KIF6: variants seen among roughly 807,000 people sequenced by gnomAD.
KIF6 encodes the protein kinesin-like protein KIF6.
A neutral mutation model predicts 112.7 loss-of-function variants in KIF6; 106 were observed. The ratio of observed to expected loss-of-function variants is 0.94; its 90% CI spans 0.80 to 1.11. KIF6 has a LOEUF of 1.11. Ranked by LOEUF, KIF6 falls within the 50% of genes least tolerant of loss-of-function variation. KIF6 has a pLI of 0.00. For missense variants in KIF6, 929 were observed against 964.0 expected, an observed-to-expected ratio of 0.96 and a Z score of 0.48; for synonymous variants, 339 against 339.9, an observed-to-expected ratio of 1.00 and a Z score of 0.03.
At chr6:39,423,174 A>C (rs1451519852) in intron 14 of KIF6, among the ~76,000 whole-genome samples, 1 of 152,178 alleles carries the variant, frequency 6.6e-6, no homozygotes, top group Non-Finnish European at 1.5e-5. Flanking sequence ...AATCCTGTGC[A>C]GGGGCAGGGG....
rs538875600 is a variant in KIF6 at position 39,567,259 on chromosome 6, G to A, written c.1181+10797C>T. On this transcript the variant is annotated intron_variant, in intron 10 of 22. Coordinates refer to ENST00000287152, the MANE Select transcript of KIF6 (RefSeq NM_145027.6). Reference sequence around the variant, plus strand: ...CCCCATCAATCCTCGTAAGAGCCTTGTGATGTGGGTGCCATTACTACTCTC... The same window carrying A: ...CCCCATCAATCCTCGTAAGAGCCTTATGATGTGGGTGCCATTACTACTCTC... Among the ~76,000 whole-genome samples, 4 of 152,302 alleles carry A rather than the reference G, an allele frequency of 2.6e-5. No individual in the cohort carries two copies. In the South Asian group the frequency reaches 8.3e-4, roughly 32 times the overall value.
intron 3 of KIF6, among the ~76,000 whole-genome samples, chr6:39,643,604 C>A (rs116058242): frequency 0.013 from 2,003 of 152,244 alleles, 45 homozygotes; most frequent in African/African-American, 0.046. Context: ...GATCCTTGGA[C>A]AACTGGATAT....
At chr6:39,683,533 C>A (rs997785897) in intron 3 of KIF6, among the ~76,000 whole-genome samples, 1 of 152,090 alleles carries the variant, frequency 6.6e-6, no homozygotes, top group East Asian at 1.9e-4. Context: ...TGACTAGATA[C>A]AGATGTCTGG....
chr6:39,499,790 A>T (rs1274921224), intron 13 of KIF6, among the ~76,000 whole-genome samples: 2 of 152,144 alleles, frequency 1.3e-5, no homozygotes, highest in African/African-American at 4.8e-5. Context: ...ATATACCTTC[A>T]AGGTAGGTGG....
intron 7 of KIF6, among the ~76,000 whole-genome samples, chr6:39,590,745 C>T (rs184063862): frequency 2.9e-3 from 447 of 152,222 alleles, no homozygotes; most frequent in African/African-American, 0.01. Flanking sequence ...GCCACCATGC[C>T]CAACCCCTGT....
chr6:39,628,845 C>T (rs1445710091), intron 5 of KIF6, among the ~76,000 whole-genome samples: 1 of 151,952 alleles, frequency 6.6e-6, no homozygotes, highest in Non-Finnish European at 1.5e-5. Context: ...CTACCCGTCC[C>T]CCTCAATCTC....
chr6:39,360,266 C>G (rs1442532612), intron 18 of KIF6, 129 bp downstream of exon 18: 4 of 1,017,234 alleles, frequency 3.9e-6, no homozygotes, highest in Non-Finnish European at 5.7e-6. Flanking sequence ...CAGTGAGCAC[C>G]TGCTTCATGA....
intron 14 of KIF6, among the ~76,000 whole-genome samples, chr6:39,423,396 T>G (rs1446638400): frequency 1.3e-5 from 2 of 152,082 alleles, no homozygotes; most frequent in African/African-American, 4.8e-5. Flanking sequence ...CAGTCTCCTT[T>G]GCTGATGTGT....
chr6:39,665,978 C>T lies in KIF6; in HGVS notation c.252-26221G>A, dbSNP rs554752986. 8.5e-5 allele frequency among the ~76,000 whole-genome samples: 13 copies of T among 152,290 alleles called. No homozygotes were observed. The South Asian group carries it at 2.5e-3, about 29-fold the overall frequency. On this transcript the variant is annotated intron_variant, in intron 3 of 22. Transcript: ENST00000287152. ...AACAGCAACACCATGTCTTCTTATCCTACCATGAACATAATTATTTTCAAA... is the reference window on the plus strand; with the variant it reads ...AACAGCAACACCATGTCTTCTTATCTTACCATGAACATAATTATTTTCAAA...
chr6:39,622,430 T>C, intron 5 of KIF6, among the ~76,000 whole-genome samples: 1 of 152,200 alleles, frequency 6.6e-6, no homozygotes, highest in East Asian at 1.9e-4. Context: ...TTCTGTACTT[T>C]TTAAGCTTAA....
At chr6:39,517,374 A>C (rs1777144261) in intron 13 of KIF6, among the ~76,000 whole-genome samples, 1 of 152,222 alleles carries the variant, frequency 6.6e-6, no homozygotes. Flanking sequence ...GTTGAGTCAG[A>C]TGACTATCTT....
intron 13 of KIF6, among the ~76,000 whole-genome samples, chr6:39,432,704 A>C (rs1335756661): frequency 6.6e-6 from 1 of 152,124 alleles, no homozygotes; most frequent in Non-Finnish European, 1.5e-5. Context: ...AGAGACATTG[A>C]GGGGCACGTT....
intron 16 of KIF6, among the ~76,000 whole-genome samples, chr6:39,376,905 T>G (rs567300890): frequency 1.3e-5 from 2 of 152,148 alleles, no homozygotes; most frequent in South Asian, 2.1e-4. Flanking sequence ...GTTGTTTTGG[T>G]TGAATTTGAG....
At chr6:39,664,195 G>A (rs570239284) in intron 3 of KIF6, among the ~76,000 whole-genome samples, 2 of 152,242 alleles carry the variant, frequency 1.3e-5, no homozygotes, top group East Asian at 3.9e-4. Flanking sequence ...GCAGGTCAGA[G>A]AGTTCAAGCT....
chr6:39,697,181 A>G (rs953444573), intron 3 of KIF6, among the ~76,000 whole-genome samples: 1 of 152,166 alleles, frequency 6.6e-6, no homozygotes, highest in East Asian at 1.9e-4. Context: ...ACCTCTCCCT[A>G]TTTCCAAATG....
chr6:39,607,689 C>A (rs1782969427), intron 6 of KIF6, among the ~76,000 whole-genome samples: 1 of 152,068 alleles, frequency 6.6e-6, no homozygotes, highest in African/African-American at 2.4e-5. Flanking sequence ...GCCTTCTGAG[C>A]AGCTAGGATT....
intron 13 of KIF6, among the ~76,000 whole-genome samples, chr6:39,514,542 A>AT (rs756728944): frequency 2.0e-5 from 3 of 152,244 alleles, no homozygotes; most frequent in Non-Finnish European, 4.4e-5. Flanking sequence ...TGTACATAAA[A>AT]TGTGTAAGAT....
intron 3 of KIF6, among the ~76,000 whole-genome samples, chr6:39,674,814 A>G (rs1289400261): frequency 6.7e-6 from 1 of 149,466 alleles, no homozygotes; most frequent in African/African-American, 2.5e-5. Context: ...CTAACATACT[A>G]GATAACTGAG....
rs527753958 is a variant in KIF6, at chr6:39,410,357, C to A, written c.1810+9591G>T. Reference sequence around the variant, plus strand: ...AAGGGAAAGAAATTTCATTTTAAGGCATTTCATTAAAATGAAATAGGTGTT... The same window carrying A: ...AAGGGAAAGAAATTTCATTTTAAGGAATTTCATTAAAATGAAATAGGTGTT... On this transcript the variant is annotated intron_variant, in intron 15 of 22. Coordinates refer to ENST00000287152, the MANE Select transcript of KIF6 (RefSeq NM_145027.6). Among the ~76,000 whole-genome samples, 25 of 152,292 alleles carry A rather than the reference C, an allele frequency of 1.6e-4. 1 individual carries two copies. The highest frequency in any genetic ancestry group is 4.6e-4 in the African/African-American group (19 of 41,564).
Sources: gnomAD v4.1 joint callset for allele counts (sites outside exome capture counted in the v4.1 genomes callset) on GRCh38, gnomAD v4.1.1 for gene constraint, MANE v1.5 for transcripts, NCBI Gene and HGNC (gene_info 2026-07-23, HGNC 2026-07-21) for gene names.